Variants in APBA1 observed in about 807,000 individuals in gnomAD.
APBA1 encodes amyloid beta precursor protein binding family A member 1, also known as amyloid-beta A4 precursor protein-binding family A member 1.
APBA1 carries 55 observed loss-of-function variants against 86.6 expected under a neutral mutation model. The observed-to-expected ratio is 0.64, with a 90% CI of 0.51 to 0.80. The LOEUF (loss-of-function observed/expected upper bound fraction) is 0.80, where lower values mean the gene tolerates loss of function less well. Among genes scored for constraint, APBA1 ranks in the 30% least tolerant of loss-of-function variants. APBA1 has a pLI of 0.00. For synonymous variants in APBA1, 511 were observed against 493.9 expected, an observed-to-expected ratio of 1.03 and a Z score of -0.46; for missense variants, 1,090 against 1,183.0, an observed-to-expected ratio of 0.92 and a Z score of 1.15.
intron 1 of APBA1, among the ~76,000 whole-genome samples, chr9:69,662,021 A>AAC (rs3069250): frequency 0.011 from 1,682 of 146,734 alleles, 11 homozygotes; most frequent in Middle Eastern, 0.014. Flanking sequence ...GACAAACAGT[A>AAC]ACACACACAC....
chr9:69,539,232 CT>C (rs1037964165), intron 1 of APBA1, among the ~76,000 whole-genome samples: 4 of 152,238 alleles, frequency 2.6e-5, no homozygotes, highest in African/African-American at 7.2e-5. Context: ...ACAGCTCAAA[CT>C]GTTCCCCTGA....
At chr9:69,465,923 C>T (rs921613802) in intron 5 of APBA1, among the ~76,000 whole-genome samples, 11 of 152,124 alleles carry the variant, frequency 7.2e-5, no homozygotes, top group Non-Finnish European at 1.5e-5. Flanking sequence ...TGAGTGGATC[C>T]CTGACACACG....
rs549528429 is a variant in APBA1, at chr9:69,528,931, T to C, written c.-69-11652A>G. ...ATTCATTAAAATGTAGTCTTTTTTTTTGAGACCACATCACTTCAAATTTAC... is the reference window on the plus strand; with the variant it reads ...ATTCATTAAAATGTAGTCTTTTTTTCTGAGACCACATCACTTCAAATTTAC... On this transcript the variant is annotated intron_variant, in intron 1 of 12. Transcript: ENST00000265381. Among the ~76,000 whole-genome samples the C allele has an allele frequency of 1.1e-3, 168 of 152,244 alleles. 1 individual carries two copies. The highest frequency in any genetic ancestry group is 3.8e-3 in the African/African-American group (156 of 41,584).
chr9:69,499,794 A>AT (rs1240361662), intron 2 of APBA1, among the ~76,000 whole-genome samples: 1 of 151,710 alleles, frequency 6.6e-6, no homozygotes, highest in African/African-American at 2.4e-5. Context: ...TTTTCTTGAA[A>AT]TTAAAAAAAA....
rs763687423 is a variant in APBA1 at position 69,515,965 on chromosome 9, C to A, written c.1200+46G>T. On this transcript the variant is annotated intron_variant, in intron 2 of 12. Transcript: ENST00000265381. ...ACAAGGCCATGGGGCGCCATCTTCC[C>A]TCCCACCGCGTGGGGCCGAGGAAGC... The A allele has an allele frequency of 2.2e-5, 32 of 1,468,652 alleles. No individual in the cohort carries two copies. The East Asian group carries it at 8.1e-4, about 37-fold the overall frequency. 91.0% of individuals were successfully genotyped at this position (1,468,652 alleles called of 1,614,324 possible).
At position 69,466,516 on chromosome 9, in the gene APBA1, T is replaced by C. The variant is rs149129290; in HGVS notation, c.1482+1307A>G. On this transcript the variant is annotated intron_variant, in intron 5 of 12. Coordinates refer to ENST00000265381, the MANE Select transcript of APBA1 (RefSeq NM_001163.4). ...GGTGTTCGCATCTGCAGGCTTCCCC[T>C]GCACTCTGGTGGCACTCGGCCTCTG... is the stretch of plus-strand genomic sequence containing the variant. Among the ~76,000 whole-genome samples the C allele has an allele frequency of 5.6e-3, 859 of 152,322 alleles. 8 individuals are homozygous for C. The highest frequency in any genetic ancestry group is 0.019 in the African/African-American group (796 of 41,564).
At chr9:69,604,337 CAT>C (rs1471025725) in intron 1 of APBA1, among the ~76,000 whole-genome samples, 4 of 122,690 alleles carry the variant, frequency 3.3e-5, no homozygotes, top group Admixed American at 8.7e-5. Flanking sequence ...CATGCACACA[CAT>C]GAGGGTAAGT....
At chr9:69,598,637 GAATA>G (rs1822283924) in intron 1 of APBA1, among the ~76,000 whole-genome samples, 1 of 151,996 alleles carries the variant, frequency 6.6e-6, no homozygotes, top group Non-Finnish European at 1.5e-5. Context: ...TCTACTGAAT[GAATA>G]AATAGACAAG....
intron 9 of APBA1, among the ~76,000 whole-genome samples, chr9:69,450,671 C>T (rs534112601): frequency 6.6e-6 from 1 of 152,288 alleles, no homozygotes; most frequent in African/African-American, 2.4e-5. Flanking sequence ...GAATTACCAA[C>T]CCCCAGTGCC....
Position 69,430,832 on chromosome 9 carries a change from C to T in APBA1, c.*495G>A, listed in dbSNP as rs1564025274. ...GAAATAATGTATGGTGCCCCAACTA[C>T]ATGGCAGGCAGTGCATAACCTTAAT... On this transcript the variant is annotated 3_prime_UTR_variant, in exon 13 of 13. Coordinates refer to ENST00000265381, the MANE Select transcript of APBA1 (RefSeq NM_001163.4). 1.3e-5 allele frequency: 2 copies of T among 153,680 alleles called. No homozygotes were observed. The highest frequency in any genetic ancestry group is 2.9e-5 in the Non-Finnish European group (2 of 68,798). The allele number at this position is 153,680 out of a possible 1,614,324, so 9.5% of individuals were successfully genotyped here.
rs980455715 is a variant in APBA1, at chr9:69,517,040, G to A, written c.171C>T (p.Leu57=). ...GGCCGAGCTGGGCGCGGAGGTCCTCGAGGGCTCGCCCGCGCTGGTGGCGGC... is the reference window on the plus strand; with the variant it reads ...GGCCGAGCTGGGCGCGGAGGTCCTCAAGGGCTCGCCCGCGCTGGTGGCGGC... ...YVGRHQRGRA[L]EDLRAQLGQE... is the part of the protein sequence containing the mutation. Residue 57 remains leucine (L), a synonymous_variant, in exon 2 of 13, where the codon CTC becomes CTT. Transcript: ENST00000265381. 3.2e-6 allele frequency: 5 copies of A among 1,580,762 alleles called. No individual in the cohort carries two copies. In the African/African-American group the frequency reaches 4.0e-5, roughly 13 times the overall value.
chr9:69,528,466 T>A (rs2133903494), intron 1 of APBA1, among the ~76,000 whole-genome samples: 1 of 152,246 alleles, frequency 6.6e-6, no homozygotes, highest in Non-Finnish European at 1.5e-5. Flanking sequence ...AGGGGAGATC[T>A]TGCAAATTTT....
intron 5 of APBA1, chr9:69,462,600 A>C (rs1469762450): frequency 6.6e-6 from 1 of 152,252 alleles, no homozygotes; most frequent in African/African-American, 2.4e-5. Context: ...TTCTTAGTGC[A>C]GGACTTCTCA....
chr9:69,505,860 A>C (rs1006543032), intron 2 of APBA1, among the ~76,000 whole-genome samples: 2 of 151,910 alleles, frequency 1.3e-5, no homozygotes, highest in Admixed American at 6.5e-5. Flanking sequence ...TCTACTAAAA[A>C]ATACAAAAAT....
intron 1 of APBA1, among the ~76,000 whole-genome samples, chr9:69,606,479 CTTTTTTTTTTTTTTTT>C (rs35083481): frequency 9.4e-4 from 48 of 50,894 alleles, no homozygotes; most frequent in African/African-American, 1.6e-3. Flanking sequence ...AGGGAGCTAG[CTTTTTTTTTTTTTTTT>C]TTTTTTTTTT....
intron 1 of APBA1, among the ~76,000 whole-genome samples, chr9:69,596,927 G>C (rs778883176): frequency 6.6e-6 from 1 of 152,180 alleles, no homozygotes; most frequent in East Asian, 1.9e-4. Context: ...AATGGTAGTG[G>C]CTACTGAATT....
At chr9:69,658,264 C>CTTTCTT (rs1554709930) in intron 1 of APBA1, among the ~76,000 whole-genome samples, 4 of 65,908 alleles carry the variant, frequency 6.1e-5, no homozygotes, top group East Asian at 4.4e-4. Flanking sequence ...TTCTTTCTTT[C>CTTTCTT]TTTCTTTCTT....
intron 2 of APBA1, among the ~76,000 whole-genome samples, chr9:69,496,179 C>T (rs907524489): frequency 2.6e-5 from 4 of 152,080 alleles, no homozygotes; most frequent in South Asian, 2.1e-4. Flanking sequence ...AGGCAGGAGG[C>T]AGACAGAGAG....
chr9:69,593,938 T>C (rs1000830907), intron 1 of APBA1, among the ~76,000 whole-genome samples: 9 of 152,234 alleles, frequency 5.9e-5, no homozygotes, highest in Non-Finnish European at 2.9e-5. Flanking sequence ...TACTTAACTT[T>C]CTATAGATTC....
Sources: allele counts gnomAD v4.1 joint callset (sites outside exome capture counted in the v4.1 genomes callset), GRCh38; gene constraint gnomAD v4.1.1; transcripts MANE v1.5; gene names NCBI Gene and HGNC (gene_info 2026-07-23, HGNC 2026-07-21).